Variants in STAB2 observed in about 807,000 individuals in gnomAD.
STAB2 encodes the protein stabilin-2.
A neutral mutation model predicts 338.1 loss-of-function variants in STAB2; 288 were observed. The ratio of observed to expected loss-of-function variants is 0.85; its 90% CI spans 0.77 to 0.94. STAB2 has a LOEUF of 0.94. Ranked by LOEUF, STAB2 falls within the 40% of genes least tolerant of loss-of-function variation. STAB2 has a pLI of 0.00. For missense variants in STAB2, 3,141 were observed against 3,210.1 expected, an observed-to-expected ratio of 0.98 and a Z score of 0.52; for synonymous variants, 1,202 against 1,193.3, an observed-to-expected ratio of 1.01 and a Z score of -0.15.
At chr12:103,627,403 G>T (rs561365110) in intron 5 of STAB2, among the ~76,000 whole-genome samples, 3 of 152,292 alleles carry the variant, frequency 2.0e-5, no homozygotes, top group Non-Finnish European at 2.9e-5. Context: ...CTGCTATGGG[G>T]CATGTCACAG....
rs372128454 is a variant in STAB2, at chr12:103,761,282, C to G, written c.7249-18C>G. The G allele has an allele frequency of 4.7e-5, 76 of 1,611,192 alleles. No individual in the cohort carries two copies. The highest frequency in any genetic ancestry group is 6.1e-5 in the Non-Finnish European group (72 of 1,177,534). On this transcript the variant is annotated intron_variant, in intron 65 of 68. Coordinates refer to ENST00000388887, the MANE Select transcript of STAB2 (RefSeq NM_017564.10). Reference sequence around the variant, plus strand: ...ACTCGGAGAGTAAAAGCCATCAACCCTCTTCTCATTTCCCTAGACGGAGAC... The same window carrying G: ...ACTCGGAGAGTAAAAGCCATCAACCGTCTTCTCATTTCCCTAGACGGAGAC...
intron 38 of STAB2, among the ~76,000 whole-genome samples, chr12:103,708,126 C>T (rs79862952): frequency 2.9e-3 from 440 of 152,302 alleles, no homozygotes; most frequent in Non-Finnish European, 4.5e-3. Context: ...AGGAGCCCTG[C>T]ATAACCCTGG....
chr12:103,734,360 T>A (rs761713906), intron 51 of STAB2, among the ~76,000 whole-genome samples: 1 of 149,150 alleles, frequency 6.7e-6, no homozygotes, highest in African/African-American at 2.5e-5. Context: ...CACAGTCTCA[T>A]AGGAACAAGA....
At chr12:103,672,633 T>C (rs1441366385) in intron 22 of STAB2, among the ~76,000 whole-genome samples, 1 of 152,176 alleles carries the variant, frequency 6.6e-6, no homozygotes, top group Non-Finnish European at 1.5e-5. Context: ...GGGGTGAAAC[T>C]CCAGATTCCT....
intron 46 of STAB2, among the ~76,000 whole-genome samples, chr12:103,726,885 A>T (rs1357993740): frequency 6.6e-6 from 1 of 152,220 alleles, no homozygotes; most frequent in Non-Finnish European, 1.5e-5. Flanking sequence ...AGTTAAGTAT[A>T]TCAACTCACG....
chr12:103,588,223 A>G (rs544519070), intron 1 of STAB2, among the ~76,000 whole-genome samples: 1 of 152,350 alleles, frequency 6.6e-6, no homozygotes, highest in East Asian at 1.9e-4. Flanking sequence ...AATTTTTATC[A>G]ACACCAATTT....
At chr12:103,619,761 C>T (rs971517641) in intron 3 of STAB2, among the ~76,000 whole-genome samples, 5 of 150,756 alleles carry the variant, frequency 3.3e-5, no homozygotes, top group South Asian at 2.1e-4. Flanking sequence ...CCCCCGCCCC[C>T]GCCACCCCAC....
Position 103,652,680 on chromosome 12 carries a change from C to T in STAB2, c.1382C>T (p.Ser461Leu), listed in dbSNP as rs890693888. 7.5e-6 allele frequency: 12 copies of T among 1,599,878 alleles called. No individual in the cohort carries two copies. Among genetic ancestry groups the T allele is most frequent in the Middle Eastern group, 1.6e-4 (1 of 6,068 alleles). The change falls in exon 12 of 69, where the codon TCG (serine) becomes TTG (leucine). Residue 461 changes from serine (S) to leucine (L), a missense_variant. Ser to Leu is a moderately radical substitution (Grantham distance 145, BLOSUM62 -2). Transcript: ENST00000388887. ...ATGTTCTACACCTTGACTGGAAAGT[C>T]GGGGGAAATCTTCAACAGCGATAAG... ...TDMFYTLTGKSGEIFNSDKDN... is the reference protein window; with the variant it reads ...TDMFYTLTGKLGEIFNSDKDN...
At chr12:103,630,106 C>T (rs1437838013) in intron 5 of STAB2, among the ~76,000 whole-genome samples, 1 of 152,160 alleles carries the variant, frequency 6.6e-6, no homozygotes, top group African/African-American at 2.4e-5. Context: ...GAAGGTCACC[C>T]TGATGCCTTT....
At chr12:103,749,443 A>G (rs1883386367) in intron 59 of STAB2, among the ~76,000 whole-genome samples, 1 of 152,182 alleles carries the variant, frequency 6.6e-6, no homozygotes, top group Non-Finnish European at 1.5e-5. Flanking sequence ...GTTATGTTGG[A>G]CATCAGGGGA....
chr12:103,677,211 A>G (rs1201001121), intron 24 of STAB2, among the ~76,000 whole-genome samples: 3 of 152,214 alleles, frequency 2.0e-5, no homozygotes, highest in Non-Finnish European at 2.9e-5. Context: ...AACAATATAA[A>G]CAGTCCCTGG....
Position 103,660,679 on chromosome 12 carries a change from G to A in STAB2, c.1789-4G>A, listed in dbSNP as rs568506711. ...CTCTGCCTTTTGTTCTCTTCTTATTGCAGCTTGAAGTGGCCACTCTCATCT... is the reference window on the plus strand; with the variant it reads ...CTCTGCCTTTTGTTCTCTTCTTATTACAGCTTGAAGTGGCCACTCTCATCT... On this transcript the variant is annotated splice_polypyrimidine_tract_variant and splice_region_variant and intron_variant, in intron 16 of 68. Transcript: ENST00000388887. 2 of 1,613,902 alleles carry A rather than the reference G, an allele frequency of 1.2e-6. No individual in the cohort carries two copies. The highest frequency in any genetic ancestry group is 3.3e-5 in the Admixed American group (2 of 59,992).
At chr12:103,609,021 G>T (rs1342105844) in intron 3 of STAB2, among the ~76,000 whole-genome samples, 1 of 152,078 alleles carries the variant, frequency 6.6e-6, no homozygotes, top group Non-Finnish European at 1.5e-5. Context: ...ATTTCTGAGG[G>T]CTCTGTTCTG....
At chr12:103,607,024 A>T (rs1046156012) in intron 3 of STAB2, among the ~76,000 whole-genome samples, 7 of 152,044 alleles carry the variant, frequency 4.6e-5, no homozygotes, top group African/African-American at 1.7e-4. Context: ...GAAAAAAAAG[A>T]TCTGTTGTCA....
Position 103,589,760 on chromosome 12 carries a change from G to C in STAB2, c.82-1137G>C, listed in dbSNP as rs11833689. On this transcript the variant is annotated intron_variant, in intron 1 of 68. Coordinates refer to ENST00000388887, the MANE Select transcript of STAB2 (RefSeq NM_017564.10). ...CCCAGTGAGAACATGGCAGTTAGGA[G>C]AGGAAACAGGCACAAAGGTGAGTGA... 2.0e-5 allele frequency among the ~76,000 whole-genome samples: 3 copies of C among 152,300 alleles called. No homozygotes were observed. The East Asian group carries it at 5.8e-4, about 29-fold the overall frequency.
chr12:103,698,714 T>C (rs1306274666), intron 33 of STAB2, among the ~76,000 whole-genome samples: 2 of 152,150 alleles, frequency 1.3e-5, no homozygotes, highest in African/African-American at 4.8e-5. Context: ...ATCAAGGTCC[T>C]TGGAGCATCC....
intron 67 of STAB2, among the ~76,000 whole-genome samples, 189 bp downstream of exon 67, chr12:103,762,591 A>G (rs1430850136): frequency 6.6e-6 from 1 of 152,210 alleles, no homozygotes; most frequent in Non-Finnish European, 1.5e-5. Context: ...TAAGAGGAAC[A>G]GCAGTGGTGG....
At position 103,652,588 on chromosome 12, in the gene STAB2, T is replaced by G; in HGVS notation, c.1290T>G (p.Ala430=). 6.2e-7 allele frequency: 1 copy of G among 1,606,924 alleles called. No individual in the cohort carries two copies. Among genetic ancestry groups the G allele is most frequent in the Non-Finnish European group, 8.5e-7 (1 of 1,177,220 alleles). Residue 430 remains alanine (A), a synonymous_variant, in exon 12 of 69, where the codon GCT becomes GCG. Transcript: ENST00000388887. Reference sequence around the variant, plus strand: ...AGCTTTTGGTGGATAATAAAGCTGCTCAATACTTTGTGAAACTCCACATAA... The same window carrying G: ...AGCTTTTGGTGGATAATAAAGCTGCGCAATACTTTGTGAAACTCCACATAA... ...VNELLVDNKA[A]QYFVKLHIIA... is the part of the protein sequence containing the mutation.
chr12:103,686,460 T>C (rs1225589343), intron 27 of STAB2, among the ~76,000 whole-genome samples: 1 of 152,140 alleles, frequency 6.6e-6, no homozygotes, highest in Non-Finnish European at 1.5e-5. Flanking sequence ...CAAAATTAAG[T>C]CCTCAGCTTG....
Sources: gnomAD v4.1 joint callset for allele counts (sites outside exome capture counted in the v4.1 genomes callset) on GRCh38, gnomAD v4.1.1 for gene constraint, MANE v1.5 for transcripts, NCBI Gene and HGNC (gene_info 2026-07-23, HGNC 2026-07-21) for gene names.